Variants in FILIP1 observed in about 807,000 individuals in gnomAD.
The protein encoded by FILIP1 is filamin-A-interacting protein 1.
In FILIP1, 61 loss-of-function variants were observed where a neutral mutation model predicts 102.1. The ratio of observed to expected loss-of-function variants is 0.60; its 90% CI spans 0.49 to 0.74. The LOEUF is 0.74. Ranked by LOEUF, FILIP1 falls within the 30% of genes least tolerant of loss-of-function variation. The pLI is 0.00. For missense variants in FILIP1, 1,314 were observed against 1,441.2 expected (o/e 0.91, Z 1.43); for synonymous variants, 491 against 526.9 (o/e 0.93, Z 0.93).
intron 1 of FILIP1, among the ~76,000 whole-genome samples, chr6:75,443,410 T>C (rs1015412903): frequency 6.6e-6 from 1 of 152,218 alleles, no homozygotes; most frequent in African/African-American, 2.4e-5. Context: ...AGAAACATTT[T>C]TCTGAAAAAC....
At chr6:75,469,948 A>G (rs1779282680) in intron 1 of FILIP1, among the ~76,000 whole-genome samples, 1 of 152,116 alleles carries the variant, frequency 6.6e-6, no homozygotes, top group Admixed American at 6.5e-5. Flanking sequence ...AATAAAGAGT[A>G]TCTACCCCAA....
intron 1 of FILIP1, among the ~76,000 whole-genome samples, chr6:75,464,749 A>C (rs571737853): frequency 1.2e-3 from 190 of 152,184 alleles, no homozygotes; most frequent in African/African-American, 4.4e-3. Flanking sequence ...AAACATCTCA[A>C]ACTTAACATG....
chr6:75,389,936 C>A (rs1311494566), intron 2 of FILIP1, among the ~76,000 whole-genome samples: 1 of 152,138 alleles, frequency 6.6e-6, no homozygotes, highest in Non-Finnish European at 1.5e-5. Flanking sequence ...GTTCCCTTCA[C>A]CTCCTTGCTC....
chr6:75,438,671 T>C (rs1778104758), intron 1 of FILIP1, among the ~76,000 whole-genome samples: 1 of 151,870 alleles, frequency 6.6e-6, no homozygotes, highest in Admixed American at 6.6e-5. Context: ...ATGCAATGGA[T>C]ATCAGTACAT....
chr6:75,488,124 A>T (rs1473631200), intron 1 of FILIP1, among the ~76,000 whole-genome samples: 5 of 152,182 alleles, frequency 3.3e-5, no homozygotes, highest in African/African-American at 4.8e-5. Flanking sequence ...AAAATGGGAA[A>T]AAAACCCAAA....
chr6:75,309,203 C>A (rs1237517686), intron 5 of FILIP1, among the ~76,000 whole-genome samples: 1 of 152,138 alleles, frequency 6.6e-6, no homozygotes, highest in Non-Finnish European at 1.5e-5. Flanking sequence ...TATAGACCAC[C>A]AGGCAAAAAC....
chr6:75,416,163 A>G (rs961600989), intron 1 of FILIP1, among the ~76,000 whole-genome samples: 1 of 152,130 alleles, frequency 6.6e-6, no homozygotes, highest in Non-Finnish European at 1.5e-5. Context: ...ACCCAACCAT[A>G]CTTAAGAAAC....
At chr6:75,349,827 C>T (rs1476577934) in intron 4 of FILIP1, among the ~76,000 whole-genome samples, 2 of 152,150 alleles carry the variant, frequency 1.3e-5, no homozygotes, top group African/African-American at 4.8e-5. Context: ...GGGAGGGGCT[C>T]CCCGGCAACT....
chr6:75,455,755 TTCTTA>T (rs1778808867), intron 1 of FILIP1, among the ~76,000 whole-genome samples: 1 of 152,174 alleles, frequency 6.6e-6, no homozygotes, highest in African/African-American at 2.4e-5. Flanking sequence ...ATTCAAGGCT[TTCTTA>T]TCTTGATACA....
rs554911414 is a variant in FILIP1 at position 75,468,836 on chromosome 6, C to A, written c.-7+24578G>T. On this transcript the variant is annotated intron_variant, in intron 1 of 5. Transcript: ENST00000237172. ...GAATAAAGGAAACAAATACTAAAAT[C>A]TTTGGGAAAGAAAAAACAAAATCTC... Among the ~76,000 whole-genome samples the A allele has an allele frequency of 5.9e-5, 9 of 151,972 alleles. No homozygotes were observed. The South Asian group carries it at 1.0e-3, about 17-fold the overall frequency.
intron 4 of FILIP1, among the ~76,000 whole-genome samples, chr6:75,336,029 T>C (rs1263088703): frequency 6.6e-6 from 1 of 152,206 alleles, no homozygotes; most frequent in African/African-American, 2.4e-5. Flanking sequence ...CATAAAGCAA[T>C]GTTCATTGTT....
rs373766224 is a variant in FILIP1, at chr6:75,400,381, T to C, written c.276+14316A>G. ...ATAGACACTGTCTATTCTCAAGAAG[T>C]TGTTAACTTAAAATAGTTCCTTAAA... On this transcript the variant is annotated intron_variant, in intron 2 of 5. Transcript: ENST00000237172. 2.0e-4 allele frequency among the ~76,000 whole-genome samples: 31 copies of C among 152,300 alleles called. No homozygotes were observed. The South Asian group carries it at 5.8e-3, about 29-fold the overall frequency.
At chr6:75,341,619 G>A (rs1375361214) in intron 4 of FILIP1, among the ~76,000 whole-genome samples, 1 of 151,920 alleles carries the variant, frequency 6.6e-6, no homozygotes, top group Non-Finnish European at 1.5e-5. Context: ...AATATAGTTT[G>A]TATGTAATAT....
At chr6:75,463,783 A>G (rs1313007278) in intron 1 of FILIP1, among the ~76,000 whole-genome samples, 1 of 152,200 alleles carries the variant, frequency 6.6e-6, no homozygotes, top group East Asian at 1.9e-4. Flanking sequence ...TGACCAGCTC[A>G]GAGTCAGTGA....
At chr6:75,422,958 A>G (rs1005349618) in intron 1 of FILIP1, among the ~76,000 whole-genome samples, 4 of 152,188 alleles carry the variant, frequency 2.6e-5, no homozygotes, top group African/African-American at 7.2e-5. Flanking sequence ...TGGGTAGTAA[A>G]GCAACGGAGA....
intron 4 of FILIP1, among the ~76,000 whole-genome samples, chr6:75,321,456 G>T (rs73453739): frequency 0.017 from 2,602 of 152,206 alleles, 77 homozygotes; most frequent in African/African-American, 0.06. Flanking sequence ...GTAATTGTTA[G>T]ATTTTTATTT....
chr6:75,451,043 T>A (rs1778615067), intron 1 of FILIP1, among the ~76,000 whole-genome samples: 1 of 152,058 alleles, frequency 6.6e-6, no homozygotes, highest in East Asian at 1.9e-4. Context: ...TCATTTCATG[T>A]TGGGGCAGGG....
In FILIP1 at chr6:75,351,264, T is replaced by C. The variant is rs1414740131; in HGVS notation, c.629+2275A>G. On this transcript the variant is annotated intron_variant, in intron 4 of 5. Coordinates refer to ENST00000237172, the MANE Select transcript of FILIP1 (RefSeq NM_015687.5). ...TTTTTAGTAGAGACAGGTTTCACCA[T>C]GTTGGCCAGGCTGCTCTCGAACTCC... Among the ~76,000 whole-genome samples, 4 of 152,314 alleles carry C rather than the reference T, an allele frequency of 2.6e-5. No individual in the cohort carries two copies. In the East Asian group the frequency reaches 7.7e-4, roughly 29 times the overall value.
intron 1 of FILIP1, among the ~76,000 whole-genome samples, chr6:75,463,588 A>G (rs972657278): frequency 1.3e-5 from 2 of 152,196 alleles, no homozygotes; most frequent in South Asian, 4.1e-4. Context: ...AGTTTTCTGG[A>G]TATCATAAAA....
Sources: gnomAD v4.1 joint callset for allele counts (sites outside exome capture counted in the v4.1 genomes callset) on GRCh38, gnomAD v4.1.1 for gene constraint, MANE v1.5 for transcripts, NCBI Gene and HGNC (gene_info 2026-07-23, HGNC 2026-07-21) for gene names.